SHISA9: variants seen among roughly 807,000 people sequenced by gnomAD.
SHISA9 encodes shisa family member 9.
Under a neutral mutation model 38.0 loss-of-function variants are expected in SHISA9, and 13 were observed. That is an observed-to-expected ratio of 0.34 (90% CI 0.22 to 0.54). The LOEUF (loss-of-function observed/expected upper bound fraction) is 0.54, where lower values mean the gene tolerates loss of function less well. Among genes scored for constraint, SHISA9 ranks in the 20% least tolerant of loss-of-function variants. The pLI is 0.91. For missense variants in SHISA9, 538 were observed against 575.8 expected, an observed-to-expected ratio of 0.93 and a Z score of 0.67; for synonymous variants, 275 against 242.0, an observed-to-expected ratio of 1.14 and a Z score of -1.27.
chr16:13,476,511 GATATTTTACTGCATTAT>G, the SHISA9 span, among the ~76,000 whole-genome samples: 3 of 152,032 alleles, frequency 2.0e-5, no homozygotes, highest in African/African-American at 7.3e-5. Flanking sequence ...TGTTTGAGAG[GATATTTTACTGCATTAT>G]TAAAGTGCTT....
chr16:12,919,035 C>T (rs537991398), intron 2 of SHISA9, among the ~76,000 whole-genome samples: 2 of 152,126 alleles, frequency 1.3e-5, no homozygotes, highest in African/African-American at 2.4e-5. Context: ...GAGCTACTTA[C>T]ATATTATAGA....
Position 13,089,707 on chromosome 16 carries a change from T to C in SHISA9, c.692-113687T>C, listed in dbSNP as rs191468713. Among the ~76,000 whole-genome samples the C allele has an allele frequency of 5.9e-5, 9 of 152,348 alleles. 1 individual carries two copies. The East Asian group carries it at 7.7e-4, about 13-fold the overall frequency. On this transcript the variant is annotated intron_variant, in intron 2 of 4. Transcript: ENST00000558583. ...TTTTCTCTCTTTTCTTCTTTATTAG[T>C]CTTGCTAGTGGTCTATCAATTTTGT...
chr16:13,363,006 T>C, the SHISA9 span, among the ~76,000 whole-genome samples: 2 of 152,250 alleles, frequency 1.3e-5, no homozygotes, highest in African/African-American at 4.8e-5. Context: ...ATTAGATTGC[T>C]ATCCCTTTGG....
chr16:13,008,618 CCTT>C (rs2072627932), intron 2 of SHISA9, among the ~76,000 whole-genome samples: 2 of 148,440 alleles, frequency 1.3e-5, no homozygotes, highest in Admixed American at 1.3e-4. Context: ...CTCTCTCTCT[CCTT>C]CTCTCCCTCT....
downstream of SHISA9, among the ~76,000 whole-genome samples, chr16:13,242,768 C>A (rs79937592): frequency 6.6e-6 from 1 of 152,144 alleles, no homozygotes; most frequent in Non-Finnish European, 1.5e-5. Context: ...CTGATCACCA[C>A]GAAATGGGTA....
chr16:12,970,485 ATATATATATATATTTTTTTTTTTT>A (rs2072062122), intron 2 of SHISA9, among the ~76,000 whole-genome samples: 3 of 24,106 alleles, frequency 1.2e-4, no homozygotes, highest in Admixed American at 7.6e-4. Flanking sequence ...ATATATATAT[ATATATATATATATTTTTTTTTTTT>A]TTTTTTTTTT....
intron 2 of SHISA9, among the ~76,000 whole-genome samples, chr16:12,928,066 C>G (rs1037165585): frequency 6.6e-6 from 1 of 152,172 alleles, no homozygotes; most frequent in Non-Finnish European, 1.5e-5. Flanking sequence ...ATTTTAACAT[C>G]AAACAATTTA....
At chr16:13,200,169 T>C (rs534645919) in intron 2 of SHISA9, among the ~76,000 whole-genome samples, 1 of 152,232 alleles carries the variant, frequency 6.6e-6, no homozygotes, top group Admixed American at 6.5e-5. Flanking sequence ...CATTGCACTT[T>C]ATTTGCTTCT....
At chr16:13,335,485 T>A in the SHISA9 span, among the ~76,000 whole-genome samples, 2 of 152,210 alleles carry the variant, frequency 1.3e-5, no homozygotes, top group Non-Finnish European at 2.9e-5. Flanking sequence ...TAACTTTTCA[T>A]CGGTTGAGAA....
intron 2 of SHISA9, among the ~76,000 whole-genome samples, chr16:13,109,267 C>T (rs528508648): frequency 6.6e-6 from 1 of 152,042 alleles, no homozygotes; most frequent in African/African-American, 2.4e-5. Flanking sequence ...CTCAAGCAAT[C>T]CTCCCACCTT....
At chr16:13,234,799 T>C (rs895540916) in intron 4 of SHISA9, among the ~76,000 whole-genome samples, 10 of 152,102 alleles carry the variant, frequency 6.6e-5, no homozygotes, top group Non-Finnish European at 1.5e-5. Context: ...GAGGTTCCCT[T>C]GGGGATGCCT....
intron 2 of SHISA9, among the ~76,000 whole-genome samples, chr16:13,069,915 T>C (rs1162455374): frequency 1.3e-5 from 2 of 152,138 alleles, no homozygotes; most frequent in Non-Finnish European, 2.9e-5. Flanking sequence ...ATCAGACACC[T>C]AATCTGCCAG....
the SHISA9 span, among the ~76,000 whole-genome samples, chr16:13,499,862 C>T: frequency 5.9e-5 from 9 of 152,274 alleles, no homozygotes; most frequent in Non-Finnish European, 1.3e-4. Context: ...ATCTATCCGT[C>T]TACTTACCCA....
At chr16:13,342,435 G>GT in the SHISA9 span, among the ~76,000 whole-genome samples, 1 of 152,098 alleles carries the variant, frequency 6.6e-6, no homozygotes, top group African/African-American at 2.4e-5. Flanking sequence ...TTACAGGCAT[G>GT]TGCCACCATG....
At chr16:13,560,293 A>G in the SHISA9 span, among the ~76,000 whole-genome samples, 2 of 152,194 alleles carry the variant, frequency 1.3e-5, no homozygotes, top group Non-Finnish European at 2.9e-5. Flanking sequence ...GATTCACTGT[A>G]ATTAGACTGG....
intron 2 of SHISA9, among the ~76,000 whole-genome samples, chr16:12,943,294 T>C (rs1185154119): frequency 1.4e-5 from 1 of 72,816 alleles, no homozygotes; most frequent in Non-Finnish European, 2.6e-5. Context: ...TGTGTGTGTG[T>C]GTGTGTGTGT....
chr16:13,460,408 G>A, the SHISA9 span, among the ~76,000 whole-genome samples: 1 of 152,076 alleles, frequency 6.6e-6, no homozygotes, highest in Non-Finnish European at 1.5e-5. Flanking sequence ...AAGCCCCCCC[G>A]ATCCATCATA....
At chr16:13,324,060 G>C in the SHISA9 span, among the ~76,000 whole-genome samples, 3 of 152,110 alleles carry the variant, frequency 2.0e-5, no homozygotes, top group African/African-American at 7.2e-5. Flanking sequence ...TCTCTCTCTT[G>C]CTCCCTCTCG....
chr16:13,328,589 T>TGTAC, the SHISA9 span, among the ~76,000 whole-genome samples: 3 of 90,402 alleles, frequency 3.3e-5, no homozygotes, highest in African/African-American at 1.5e-4. Flanking sequence ...AATATATGTG[T>TGTAC]ATACACACAC....
Sources: gnomAD v4.1 joint callset for allele counts (sites outside exome capture counted in the v4.1 genomes callset) on GRCh38, gnomAD v4.1.1 for gene constraint, MANE v1.5 for transcripts, NCBI Gene and HGNC (gene_info 2026-07-23, HGNC 2026-07-21) for gene names.